Variants in UGT2B4 observed in about 807,000 individuals in gnomAD.
UGT2B4 encodes UDP glucuronosyltransferase family 2 member B4, also known as UDP-glucuronosyltransferase 2B4.
In UGT2B4, 49 loss-of-function variants were observed where a neutral mutation model predicts 49.8. That is an observed-to-expected ratio of 0.98 (90% CI 0.78 to 1.25). The LOEUF is 1.25. UGT2B4 is among the 50% of genes most tolerant of loss of function. The probability of loss-of-function intolerance (pLI) is 0.00; values close to 1 mark genes in which losing one functional copy is unlikely to be tolerated. For synonymous variants in UGT2B4, 246 were observed against 217.7 expected, an observed-to-expected ratio of 1.13 and a Z score of -1.14; for missense variants, 729 against 627.7, an observed-to-expected ratio of 1.16 and a Z score of -1.73.
At chr4:69,513,731 G>A (rs192407506) in intron 1 of UGT2B4, among the ~76,000 whole-genome samples, 5 of 152,092 alleles carry the variant, frequency 3.3e-5, no homozygotes, top group Non-Finnish European at 7.4e-5. Context: ...TTCTATTTGT[G>A]TCCTCTCTGA....
intron 1 of UGT2B4, among the ~76,000 whole-genome samples, chr4:69,519,453 T>G (rs1728800144): frequency 6.6e-6 from 1 of 152,170 alleles, no homozygotes; most frequent in Non-Finnish European, 1.5e-5. Flanking sequence ...AGGCAGCGTT[T>G]TAAGATAGGG....
chr4:69,485,479 T>A, intron 4 of UGT2B4, 52 bp from the exon 5 acceptor site: 1 of 1,602,096 alleles, frequency 6.2e-7, no homozygotes, highest in Non-Finnish European at 8.5e-7. Flanking sequence ...AAATGAGAAA[T>A]GCACAATGGA....
At chr4:69,503,140 A>G (rs1430907470) in intron 1 of UGT2B4, among the ~76,000 whole-genome samples, 1 of 152,160 alleles carries the variant, frequency 6.6e-6, no homozygotes, top group African/African-American at 2.4e-5. Context: ...GCCCTAGGGG[A>G]ACTGTCAAAC....
chr4:69,512,734 GTTTGT>G (rs947706620), intron 1 of UGT2B4, among the ~76,000 whole-genome samples: 9 of 151,686 alleles, frequency 5.9e-5, no homozygotes, highest in African/African-American at 7.3e-5. Flanking sequence ...TTGTTTGTTT[GTTTGT>G]TTTGTTTTGT....
At position 69,495,881 on chromosome 4, in the gene UGT2B4, T is replaced by C. The variant is rs1264621137; in HGVS notation, c.-20A>G. ...AGACATCCTGATGCAATGCAATGCT[T>C]GTTTTCCAGTTGCTGCTCCTTTCTG... On this transcript the variant is annotated 5_prime_UTR_variant, in exon 1 of 6. Transcript: ENST00000305107. 6.4e-7 allele frequency: 1 copy of C among 1,554,786 alleles called. No homozygotes were observed. Among genetic ancestry groups the C allele is most frequent in the Non-Finnish European group, 8.7e-7 (1 of 1,154,068 alleles).
chr4:69,495,316 C>G lies in UGT2B4; in HGVS notation c.546G>C (p.Lys182Asn). ...GAGGGAACAGAAGTCCTCCACTATG[C>G]TTTTCAATTGCGTAGCCAGGAGAGA... ...LRFSPGYAIE[K>N]HSGGLLFPPS... Residue 182 changes from lysine (K) to asparagine (N), a missense_variant, in exon 1 of 6, where the codon AAG becomes AAC. Lys to Asn is a moderately conservative substitution (Grantham distance 94). Coordinates refer to ENST00000305107, the MANE Select transcript of UGT2B4 (RefSeq NM_021139.3). 1 of 1,612,876 alleles carries G rather than the reference C, an allele frequency of 6.2e-7. No individual in the cohort carries two copies. Among genetic ancestry groups the G allele is most frequent in the Non-Finnish European group, 8.5e-7 (1 of 1,179,558 alleles).
At chr4:69,513,243 C>G (rs937542516) in intron 1 of UGT2B4, among the ~76,000 whole-genome samples, 1 of 152,136 alleles carries the variant, frequency 6.6e-6, no homozygotes, top group Non-Finnish European at 1.5e-5. Context: ...TTTAATCCAT[C>G]TTGAGTTGAT....
intron 1 of UGT2B4, among the ~76,000 whole-genome samples, chr4:69,505,721 G>C (rs1728449537): frequency 6.6e-6 from 1 of 152,114 alleles, no homozygotes; most frequent in South Asian, 2.1e-4. Flanking sequence ...AAACCTGATA[G>C]ATATCTGCAG....
chr4:69,508,826 C>T (rs746796096), intron 1 of UGT2B4, among the ~76,000 whole-genome samples: 1 of 152,152 alleles, frequency 6.6e-6, no homozygotes, highest in Non-Finnish European at 1.5e-5. Flanking sequence ...CTATATAAAC[C>T]TGTACATGCA....
upstream of UGT2B4, among the ~76,000 whole-genome samples, chr4:69,500,622 A>G (rs375639289): frequency 8.2e-6 from 1 of 122,390 alleles, no homozygotes; most frequent in African/African-American, 2.8e-5. Context: ...AGAAAGAAAG[A>G]AAGAAAGAAA....
At chr4:69,486,186 A>C (rs1003684542) in intron 4 of UGT2B4, among the ~76,000 whole-genome samples, 19 of 152,206 alleles carry the variant, frequency 1.2e-4, no homozygotes, top group African/African-American at 3.6e-4. Flanking sequence ...GAAATGTGTC[A>C]TCACTTTTTG....
upstream of UGT2B4, among the ~76,000 whole-genome samples, chr4:69,496,960 A>C (rs72646745): frequency 2.8e-3 from 415 of 150,374 alleles, 3 homozygotes; most frequent in South Asian, 4.2e-3. Context: ...AAAAAAAAAA[A>C]AAAAGTAAAC....
chr4:69,489,314 C>T, intron 3 of UGT2B4, 125 bp downstream of exon 3: 1 of 1,294,968 alleles, frequency 7.7e-7, no homozygotes. Context: ...GAATTAATAT[C>T]TGAGATAATT....
At chr4:69,483,836 A>G (rs966467410) in intron 5 of UGT2B4, among the ~76,000 whole-genome samples, 2 of 152,178 alleles carry the variant, frequency 1.3e-5, no homozygotes, top group Non-Finnish European at 2.9e-5. Context: ...TGTGCTTCAA[A>G]GACCATCATC....
chr4:69,515,023 G>A (rs1475447956), intron 1 of UGT2B4, among the ~76,000 whole-genome samples: 2 of 152,148 alleles, frequency 1.3e-5, no homozygotes, highest in African/African-American at 2.4e-5. Context: ...GATTAATAAA[G>A]TACGTGTTAG....
At chr4:69,487,687 C>G (rs893968127) in intron 3 of UGT2B4, among the ~76,000 whole-genome samples, 5 of 151,916 alleles carry the variant, frequency 3.3e-5, no homozygotes. Flanking sequence ...TACAACAAAC[C>G]CCAAGACATA....
chr4:69,500,059 G>C (rs1376701992), upstream of UGT2B4, among the ~76,000 whole-genome samples: 1 of 152,180 alleles, frequency 6.6e-6, no homozygotes, highest in African/African-American at 2.4e-5. Context: ...GGAATACTAT[G>C]AAGACATAAA....
upstream of UGT2B4, among the ~76,000 whole-genome samples, chr4:69,497,264 G>C (rs939930938): frequency 3.3e-5 from 5 of 152,146 alleles, no homozygotes; most frequent in African/African-American, 1.2e-4. Flanking sequence ...AAAGAATGCA[G>C]TTTCCAACTC....
chr4:69,486,504 T>C (rs1727789912), intron 4 of UGT2B4, 105 bp downstream of exon 4: 3 of 728,194 alleles, frequency 4.1e-6, no homozygotes, highest in Non-Finnish European at 6.2e-6. Flanking sequence ...ATTTTATTTT[T>C]AAGTTTTTCC....
Sources: gnomAD v4.1 joint callset for allele counts (sites outside exome capture counted in the v4.1 genomes callset) on GRCh38, gnomAD v4.1.1 for gene constraint, MANE v1.5 for transcripts, NCBI Gene and HGNC (gene_info 2026-07-23, HGNC 2026-07-21) for gene names.